Variants in CHST11 observed in about 807,000 individuals in gnomAD.
CHST11 encodes the protein C4S-1.
CHST11 carries 9 observed loss-of-function variants against 30.4 expected under a neutral mutation model. The observed-to-expected ratio is 0.30, with a 90% CI of 0.18 to 0.52. The LOEUF is 0.52. CHST11 is among the 20% of genes least tolerant of loss of function. CHST11 has a pLI of 0.97. For synonymous variants in CHST11, 152 were observed against 187.8 expected, an observed-to-expected ratio of 0.81 and a Z score of 1.56; for missense variants, 348 against 460.6, an observed-to-expected ratio of 0.76 and a Z score of 2.24.
At chr12:104,664,655 C>G (rs2039627282) in intron 2 of CHST11, among the ~76,000 whole-genome samples, 1 of 152,210 alleles carries the variant, frequency 6.6e-6, no homozygotes. Context: ...CAGTCCCCTC[C>G]TCGGACAGAG....
chr12:104,516,493 C>A (rs563846780), intron 1 of CHST11, among the ~76,000 whole-genome samples: 2 of 152,164 alleles, frequency 1.3e-5, no homozygotes, highest in African/African-American at 4.8e-5. Flanking sequence ...AGGTGGATAT[C>A]ATTTCCTCCA....
chr12:104,627,285 A>G (rs758211155), intron 2 of CHST11, among the ~76,000 whole-genome samples: 9 of 152,186 alleles, frequency 5.9e-5, no homozygotes, highest in Non-Finnish European at 1.2e-4. Context: ...AATTAAGAAT[A>G]AAGCTGCTCT....
At chr12:104,576,067 C>T (rs1367707899) in intron 1 of CHST11, among the ~76,000 whole-genome samples, 1 of 151,908 alleles carries the variant, frequency 6.6e-6, no homozygotes, top group Non-Finnish European at 1.5e-5. Flanking sequence ...TCTCTTATGC[C>T]TGTTCCCTCC....
chr12:104,543,953 C>G (rs1625417), intron 1 of CHST11, among the ~76,000 whole-genome samples: 2 of 151,024 alleles, frequency 1.3e-5, no homozygotes, highest in African/African-American at 4.9e-5. Flanking sequence ...AGATCCCCAT[C>G]TATGCAAAAA....
chr12:104,495,828 G>A (rs1396418285), intron 1 of CHST11, among the ~76,000 whole-genome samples: 1 of 152,184 alleles, frequency 6.6e-6, no homozygotes, highest in African/African-American at 2.4e-5. Context: ...GGCTACTAGG[G>A]TGTTCTCTGG....
intron 2 of CHST11, among the ~76,000 whole-genome samples, chr12:104,727,791 C>T (rs1003673957): frequency 3.3e-5 from 5 of 152,182 alleles, no homozygotes; most frequent in African/African-American, 1.2e-4. Flanking sequence ...AAACGAGCTC[C>T]TTGAGCATAG....
At chr12:104,556,947 C>T (rs970675707) in intron 1 of CHST11, among the ~76,000 whole-genome samples, 17 of 150,596 alleles carry the variant, frequency 1.1e-4, no homozygotes, top group Non-Finnish European at 2.4e-4. Flanking sequence ...CACCATTGCG[C>T]TCCAGCCTGG....
At chr12:104,577,755 A>G (rs919012947) in intron 1 of CHST11, among the ~76,000 whole-genome samples, 3 of 152,150 alleles carry the variant, frequency 2.0e-5, no homozygotes, top group African/African-American at 7.2e-5. Flanking sequence ...GCCCACAGTT[A>G]TGACTGGGGC....
intron 1 of CHST11, among the ~76,000 whole-genome samples, chr12:104,524,039 C>CTTTTTTTTT (rs10594720): frequency 7.8e-6 from 1 of 128,046 alleles, no homozygotes; most frequent in African/African-American, 2.9e-5. Context: ...TTCTTTCTTT[C>CTTTTTTTTT]TTTTTTTTTT....
intron 2 of CHST11, among the ~76,000 whole-genome samples, chr12:104,683,035 T>C (rs546682521): frequency 6.6e-6 from 1 of 152,222 alleles, no homozygotes; most frequent in Non-Finnish European, 1.5e-5. Flanking sequence ...CTTTAAAAGA[T>C]GTACAAACCT....
chr12:104,718,670 G>T (rs937824827), intron 2 of CHST11, among the ~76,000 whole-genome samples: 1 of 152,186 alleles, frequency 6.6e-6, no homozygotes, highest in Non-Finnish European at 1.5e-5. Context: ...TCCTACTTTA[G>T]AACTGAAATT....
chr12:104,668,456 G>A (rs1247357623), intron 2 of CHST11, among the ~76,000 whole-genome samples: 2 of 152,166 alleles, frequency 1.3e-5, no homozygotes, highest in Non-Finnish European at 2.9e-5. Flanking sequence ...CGTCAGCTGG[G>A]TCAGCTGAAG....
chr12:104,707,523 A>G (rs1384606457), intron 2 of CHST11, among the ~76,000 whole-genome samples: 2 of 152,224 alleles, frequency 1.3e-5, no homozygotes, highest in Admixed American at 1.3e-4. Flanking sequence ...TCAGCAGTGA[A>G]TGCTAAGTTT....
At chr12:104,574,665 C>T (rs1466004638) in intron 1 of CHST11, among the ~76,000 whole-genome samples, 1 of 151,062 alleles carries the variant, frequency 6.6e-6, no homozygotes. Flanking sequence ...ACAATGAGAA[C>T]ACTTGAACAC....
At chr12:104,477,241 C>T (rs969511826) in intron 1 of CHST11, among the ~76,000 whole-genome samples, 1 of 152,092 alleles carries the variant, frequency 6.6e-6, no homozygotes, top group South Asian at 2.1e-4. Context: ...CACAGCCTGG[C>T]GAGGAGAACT....
intron 1 of CHST11, among the ~76,000 whole-genome samples, chr12:104,590,835 T>C (rs1436721102): frequency 6.6e-6 from 1 of 151,762 alleles, no homozygotes; most frequent in Non-Finnish European, 1.5e-5. Flanking sequence ...GGCACAAGAA[T>C]TGCTCGAACA....
intron 1 of CHST11, among the ~76,000 whole-genome samples, chr12:104,485,695 G>A (rs951896157): frequency 2.0e-5 from 3 of 152,180 alleles, no homozygotes; most frequent in East Asian, 1.9e-4. Flanking sequence ...GGAATTGGTC[G>A]TGGGGAGCCT....
chr12:104,753,715 C>T (rs1437514532), intron 2 of CHST11, among the ~76,000 whole-genome samples: 2 of 152,222 alleles, frequency 1.3e-5, no homozygotes, highest in African/African-American at 4.8e-5. Context: ...AAACTGGGCT[C>T]TACCCAACAT....
chr12:104,622,138 A>G (rs1470220640), intron 2 of CHST11, among the ~76,000 whole-genome samples: 1 of 152,224 alleles, frequency 6.6e-6, no homozygotes, highest in East Asian at 1.9e-4. Context: ...CCTTGTACAT[A>G]TTCATAAGAA....
Sources: allele counts gnomAD v4.1 joint callset (sites outside exome capture counted in the v4.1 genomes callset), GRCh38; gene constraint gnomAD v4.1.1; transcripts MANE v1.5; gene names NCBI Gene and HGNC (gene_info 2026-07-23, HGNC 2026-07-21).